The following IQSEC3 variants were observed in gnomAD, a reference collection of about 807,000 sequenced individuals.
IQSEC3 encodes IQ motif and Sec7 domain ArfGEF 3, also known as IQ motif and SEC7 domain-containing protein 3.
Under a neutral mutation model 105.4 loss-of-function variants are expected in IQSEC3, and 50 were observed. That is an observed-to-expected ratio of 0.47 (90% CI 0.38 to 0.60). IQSEC3 has a LOEUF of 0.60. Ranked by LOEUF, IQSEC3 falls within the 20% of genes least tolerant of loss-of-function variation. The pLI is 0.00. For synonymous variants in IQSEC3, 708 were observed against 746.0 expected, an observed-to-expected ratio of 0.95 and a Z score of 0.83; for missense variants, 1,415 against 1,630.0, an observed-to-expected ratio of 0.87 and a Z score of 2.27.
chr12:105,903 G>A (rs1259314274), intron 2 of IQSEC3, among the ~76,000 whole-genome samples: 2 of 152,232 alleles, frequency 1.3e-5, no homozygotes, highest in African/African-American at 2.4e-5. Flanking sequence ...GCTGTCGCCA[G>A]AGGGTGCTTG....
At position 157,165 on chromosome 12, in the gene IQSEC3, C is replaced by CTCCA; in HGVS notation, c.2276+19_2276+22dup. ...GCCTTCAGGTAAGGCCGCTTCCCAG[C>CTCCA]TCCACTCCCCAACAGACCCCAGCGT... On this transcript the variant is annotated intron_variant, in intron 6 of 13. Coordinates refer to ENST00000538872, the MANE Select transcript of IQSEC3 (RefSeq NM_001170738.2). 6.5e-7 allele frequency: 1 copy of CTCCA among 1,538,780 alleles called. No homozygotes were observed. Among genetic ancestry groups the CTCCA allele is most frequent in the Non-Finnish European group, 8.8e-7 (1 of 1,140,916 alleles).
intron 5 of IQSEC3, chr12:144,563 G>T (rs540988199): frequency 2.0e-5 from 3 of 152,342 alleles, no homozygotes; most frequent in East Asian, 3.9e-4. Flanking sequence ...CTTCCCAACC[G>T]TCAGGCCTGT....
chr12:88,281 A>G (rs1228256432), intron 1 of IQSEC3, among the ~76,000 whole-genome samples: 2 of 152,178 alleles, frequency 1.3e-5, no homozygotes, highest in African/African-American at 4.8e-5. Context: ...CTGGTGGGGC[A>G]CTGGGCCTCT....
At chr12:133,029 G>C (rs1865648975) in intron 3 of IQSEC3, among the ~76,000 whole-genome samples, 1 of 152,180 alleles carries the variant, frequency 6.6e-6, no homozygotes, top group Admixed American at 6.5e-5. Flanking sequence ...CTGGGATCTG[G>C]GGCTGGCCAT....
intron 5 of IQSEC3, among the ~76,000 whole-genome samples, chr12:153,111 C>T (rs998055721): frequency 1.2e-4 from 18 of 151,886 alleles, no homozygotes; most frequent in African/African-American, 4.1e-4. Context: ...AAAGAGGGCA[C>T]GGTGCAAGCA....
intron 2 of IQSEC3, among the ~76,000 whole-genome samples, chr12:118,371 A>G (rs1457910706): frequency 1.3e-5 from 2 of 150,836 alleles, no homozygotes; most frequent in African/African-American, 2.4e-5. Flanking sequence ...TGAGATCACC[A>G]TATTGATTCA....
At chr12:117,314 G>A (rs1555080859) in intron 2 of IQSEC3, among the ~76,000 whole-genome samples, 1 of 152,250 alleles carries the variant, frequency 6.6e-6, no homozygotes, top group Admixed American at 6.5e-5. Flanking sequence ...GAAGCGGGCA[G>A]GGAGGATGTT....
At chr12:113,211 C>T (rs1489343675) in intron 2 of IQSEC3, among the ~76,000 whole-genome samples, 1 of 152,232 alleles carries the variant, frequency 6.6e-6, no homozygotes, top group Non-Finnish European at 1.5e-5. Context: ...TAACAACCAG[C>T]ATCGATACTG....
intron 1 of IQSEC3, among the ~76,000 whole-genome samples, chr12:94,717 T>A (rs1864193019): frequency 6.6e-6 from 1 of 152,224 alleles, no homozygotes; most frequent in Non-Finnish European, 1.5e-5. Context: ...GCCCTCAGTG[T>A]CTGGACAGAC....
At chr12:94,814 A>G (rs543710774) in intron 1 of IQSEC3, among the ~76,000 whole-genome samples, 5 of 152,388 alleles carry the variant, frequency 3.3e-5, no homozygotes, top group African/African-American at 1.2e-4. Flanking sequence ...GTGCCAGCCT[A>G]TGACCATGTA....
chr12:124,138 G>A (rs1383165803), intron 2 of IQSEC3, among the ~76,000 whole-genome samples: 1 of 152,082 alleles, frequency 6.6e-6, no homozygotes, highest in Non-Finnish European at 1.5e-5. Context: ...TGTAATCCTA[G>A]CGCTTTGGGA....
chr12:74,637 C>G (rs1222731468), intron 1 of IQSEC3, among the ~76,000 whole-genome samples: 1 of 152,284 alleles, frequency 6.6e-6, no homozygotes, highest in African/African-American at 2.4e-5. Context: ...AGTCCCTGCC[C>G]AGAGAAGGGC....
chr12:151,508 C>A (rs1866509678), intron 5 of IQSEC3, among the ~76,000 whole-genome samples: 3 of 152,316 alleles, frequency 2.0e-5, no homozygotes, highest in Admixed American at 6.5e-5. Flanking sequence ...TGGACCTCTG[C>A]AGTAGCATCC....
chr12:146,199 C>T (rs1866261324), intron 5 of IQSEC3, among the ~76,000 whole-genome samples: 1 of 152,234 alleles, frequency 6.6e-6, no homozygotes, highest in African/African-American at 2.4e-5. Context: ...AGGAAGAAAT[C>T]ATTTGAGAAT....
intron 5 of IQSEC3, among the ~76,000 whole-genome samples, chr12:153,381 G>T (rs782807859): frequency 6.6e-6 from 1 of 152,140 alleles, no homozygotes; most frequent in African/African-American, 2.4e-5. Context: ...GCCCCCTGCC[G>T]TTGGGAGCGT....
At position 169,140 on chromosome 12, in the gene IQSEC3, A is replaced by G. The variant is rs199507487; in HGVS notation, c.3064+35A>G. 2.3e-5 allele frequency: 36 copies of G among 1,575,466 alleles called. No individual in the cohort carries two copies. In the African/African-American group the frequency reaches 3.6e-4, roughly 16 times the overall value. ...GGCTCCGCTCAGGGCACCAGTCCCC[A>G]TGGAGGCCACTCGGGGACCCTGGGT... On this transcript the variant is annotated intron_variant, in intron 12 of 13. Transcript: ENST00000538872.
At position 91,294 on chromosome 12, in the gene IQSEC3, C is replaced by T. The variant is rs557804935; in HGVS notation, c.555-7852C>T. ...TATTTTTATGGCCATGCAGTGGAAC[C>T]CTGAGTCTGACACTAAATATAGATG... On this transcript the variant is annotated intron_variant, in intron 1 of 13. Coordinates refer to ENST00000538872, the MANE Select transcript of IQSEC3 (RefSeq NM_001170738.2). Among the ~76,000 whole-genome samples, 27 of 152,302 alleles carry T rather than the reference C, an allele frequency of 1.8e-4. 1 individual carries two copies. The East Asian group carries it at 5.2e-3, about 29-fold the overall frequency.
intron 2 of IQSEC3, among the ~76,000 whole-genome samples, chr12:104,888 G>A (rs1463949606): frequency 6.6e-6 from 1 of 152,260 alleles, no homozygotes; most frequent in Non-Finnish European, 1.5e-5. Context: ...TTTACCCAGC[G>A]ATTACGGAGC....
At position 66,776 on chromosome 12, in the gene IQSEC3, C is replaced by A; in HGVS notation, c.-107C>A. The A allele has an allele frequency of 1.0e-6, 1 of 988,310 alleles. No homozygotes were observed. The highest frequency in any genetic ancestry group is 1.3e-6 in the Non-Finnish European group (1 of 759,286). 61.2% of individuals were successfully genotyped at this position (988,310 alleles called of 1,614,324 possible). A position where few individuals can be genotyped will look rare whatever the true frequency, so the allele number is the denominator to read the frequency against. On this transcript the variant is annotated 5_prime_UTR_variant, in exon 1 of 14. Transcript: ENST00000538872. Reference sequence around the variant, plus strand: ...GCCGGCGGGGGGAGGGAGGCTGGGCCGGTGGGAGAGGGAGGCGAGCCGACC... The same window carrying A: ...GCCGGCGGGGGGAGGGAGGCTGGGCAGGTGGGAGAGGGAGGCGAGCCGACC...
Sources: allele counts gnomAD v4.1 joint callset (sites outside exome capture counted in the v4.1 genomes callset), GRCh38; gene constraint gnomAD v4.1.1; transcripts MANE v1.5; gene names NCBI Gene and HGNC (gene_info 2026-07-23, HGNC 2026-07-21).